CFAP20DC: variants seen among roughly 807,000 people sequenced by gnomAD.
CFAP20DC encodes protein CFAP20DC.
In CFAP20DC, 84 loss-of-function variants were observed where a neutral mutation model predicts 101.7. The observed-to-expected ratio is 0.83, with a 90% confidence interval of 0.69 to 0.99. CFAP20DC has a LOEUF of 0.99. Ranked by LOEUF, CFAP20DC falls within the 50% of genes least tolerant of loss-of-function variation. CFAP20DC has a pLI of 0.00. For synonymous variants in CFAP20DC, 359 were observed against 351.2 expected, an observed-to-expected ratio of 1.02 and a Z score of -0.25; for missense variants, 1,007 against 970.3, an observed-to-expected ratio of 1.04 and a Z score of -0.50.
intron 14 of CFAP20DC, among the ~76,000 whole-genome samples, chr3:58,822,438 G>T (rs996573563): frequency 2.7e-5 from 4 of 150,826 alleles, no homozygotes; most frequent in Admixed American, 2.0e-4. Flanking sequence ...GGACTGTTGT[G>T]GGGTGGTGGG....
At chr3:58,853,565 C>T (rs957195283) in intron 12 of CFAP20DC, among the ~76,000 whole-genome samples, 4 of 152,088 alleles carry the variant, frequency 2.6e-5, no homozygotes, top group Middle Eastern at 3.4e-3. Flanking sequence ...CCTTGATGAA[C>T]ATTGATGCAA....
chr3:59,017,468 A>G (rs1194407892), intron 4 of CFAP20DC: 1 of 152,164 alleles, frequency 6.6e-6, no homozygotes, highest in East Asian at 1.9e-4. Flanking sequence ...TTACTGCTAA[A>G]AATTAACTCA....
At chr3:58,996,054 T>A (rs1022397449) in intron 4 of CFAP20DC, among the ~76,000 whole-genome samples, 3 of 151,880 alleles carry the variant, frequency 2.0e-5, no homozygotes, top group African/African-American at 7.3e-5. Flanking sequence ...GAGCCCAGAT[T>A]AATATAATTA....
intron 4 of CFAP20DC, chr3:59,017,425 TGAC>T (rs2093711629): frequency 1.3e-5 from 2 of 152,130 alleles, no homozygotes. Context: ...TGAGTCCAAA[TGAC>T]ACTAGTCCCA....
At chr3:58,924,283 G>A (rs1018911483) in intron 5 of CFAP20DC, among the ~76,000 whole-genome samples, 4 of 152,028 alleles carry the variant, frequency 2.6e-5, no homozygotes, top group African/African-American at 9.7e-5. Flanking sequence ...CTCTCCATAT[G>A]TACATGTGTA....
At chr3:59,003,803 T>C (rs548127923) in intron 4 of CFAP20DC, among the ~76,000 whole-genome samples, 4 of 152,278 alleles carry the variant, frequency 2.6e-5, no homozygotes, top group African/African-American at 7.2e-5. Context: ...GAGGAACCTA[T>C]AATGAAAACA....
intron 6 of CFAP20DC, among the ~76,000 whole-genome samples, chr3:58,904,682 T>C (rs2083439487): frequency 6.6e-6 from 1 of 152,218 alleles, no homozygotes; most frequent in South Asian, 2.1e-4. Context: ...TTGTGCACTG[T>C]TGAGGTCTTG....
chr3:58,950,791 C>A (rs2090013228), intron 4 of CFAP20DC, among the ~76,000 whole-genome samples: 1 of 152,102 alleles, frequency 6.6e-6, no homozygotes, highest in Non-Finnish European at 1.5e-5. Context: ...AATGTTAGAC[C>A]TAAAACCATA....
intron 15 of CFAP20DC, among the ~76,000 whole-genome samples, chr3:58,779,313 A>G (rs983216734): frequency 6.6e-6 from 1 of 152,226 alleles, no homozygotes; most frequent in African/African-American, 2.4e-5. Flanking sequence ...AAATAAAGGG[A>G]TGGAAAAGAA....
chr3:58,996,223 T>A lies in CFAP20DC; in HGVS notation c.278+43334A>T, dbSNP rs186358551. ...TTATACAAATAAATCTCACCTGTAA[T>A]AACTGTGCTTATTTTTATATATTTG... On this transcript the variant is annotated intron_variant, in intron 4 of 16. Transcript: ENST00000482387. Among the ~76,000 whole-genome samples the A allele has an allele frequency of 3.4e-4, 51 of 152,238 alleles. 1 individual carries two copies. The East Asian group carries it at 7.7e-3, about 23-fold the overall frequency.
intron 16 of CFAP20DC, among the ~76,000 whole-genome samples, chr3:58,749,588 T>C (rs2068431469): frequency 6.6e-6 from 1 of 152,186 alleles, no homozygotes; most frequent in Non-Finnish European, 1.5e-5. Flanking sequence ...GGCTTTGCCA[T>C]AAAAAAGGTA....
At chr3:58,977,715 T>A (rs1275079403) in intron 4 of CFAP20DC, among the ~76,000 whole-genome samples, 1 of 150,084 alleles carries the variant, frequency 6.7e-6, no homozygotes, top group Non-Finnish European at 1.5e-5. Flanking sequence ...GTCAGATATT[T>A]AGAGTGGCGA....
intron 4 of CFAP20DC, among the ~76,000 whole-genome samples, chr3:58,982,584 T>C (rs2092600314): frequency 6.6e-6 from 1 of 151,678 alleles, no homozygotes; most frequent in African/African-American, 2.4e-5. Flanking sequence ...GAAACCATTA[T>C]TCTAAGCAAA....
chr3:58,894,240 A>C lies in CFAP20DC; in HGVS notation c.551-9531T>G, dbSNP rs903764713. On this transcript the variant is annotated intron_variant, in intron 6 of 16. Coordinates refer to ENST00000482387, the MANE Select transcript of CFAP20DC (RefSeq NM_001394063.1). This position sits in a 1 kb window ranked among gnomAD's most constrained non-coding sequence, Gnocchi z 4.1. ...CTTCCCAACAGTCCCCCGAAGTCTT[A>C]ACTCATTTCAGCATTAACTCAAAAA... is the stretch of plus-strand genomic sequence containing the variant. Among the ~76,000 whole-genome samples, 2 of 152,186 alleles carry C rather than the reference A, an allele frequency of 1.3e-5. No homozygotes were observed. The highest frequency in any genetic ancestry group is 4.8e-5 in the African/African-American group (2 of 41,454).
rs1186923023 is a variant in CFAP20DC at position 58,788,629 on chromosome 3, A to G, written c.2237+17766T>C. On this transcript the variant is annotated intron_variant, in intron 15 of 16. Coordinates refer to ENST00000482387, the MANE Select transcript of CFAP20DC (RefSeq NM_001394063.1). This position sits in a 1 kb window ranked among gnomAD's most constrained non-coding sequence, Gnocchi z 4.2. The stretch of plus-strand genomic sequence containing the variant: ...AATGACTACCACCACCACAGTGGAA[A>G]ACACTTTGACAATCCAATGTGGAAC... 6.6e-6 allele frequency among the ~76,000 whole-genome samples: 1 copy of G among 152,066 alleles called. No individual in the cohort carries two copies. Among genetic ancestry groups the G allele is most frequent in the Non-Finnish European group, 1.5e-5 (1 of 67,992 alleles).
intron 4 of CFAP20DC, among the ~76,000 whole-genome samples, chr3:59,024,129 C>T (rs944136114): frequency 6.6e-6 from 1 of 151,608 alleles, no homozygotes; most frequent in African/African-American, 2.4e-5. Flanking sequence ...TTTAGGCCAC[C>T]CATATCTTCA....
chr3:59,047,789 A>G (rs1386375043), intron 1 of CFAP20DC, among the ~76,000 whole-genome samples: 1 of 152,178 alleles, frequency 6.6e-6, no homozygotes, highest in Non-Finnish European at 1.5e-5. Flanking sequence ...ATAAGATACT[A>G]AACATTAAAC....
chr3:59,044,035 T>C (rs893984703), intron 3 of CFAP20DC, among the ~76,000 whole-genome samples: 10 of 152,158 alleles, frequency 6.6e-5, no homozygotes, highest in Non-Finnish European at 1.3e-4. Context: ...TTTTATGTGT[T>C]TGAGATCCTC....
chr3:58,806,718 AG>A (rs1286721652), intron 14 of CFAP20DC, among the ~76,000 whole-genome samples: 1 of 152,164 alleles, frequency 6.6e-6, no homozygotes, highest in Non-Finnish European at 1.5e-5. Context: ...TAGTGGGTGC[AG>A]GACAGTGGGT....
Sources: allele counts gnomAD v4.1 joint callset (sites outside exome capture counted in the v4.1 genomes callset), GRCh38; gene constraint gnomAD v4.1.1; non-coding constraint Gnocchi (gnomAD v3.1); transcripts MANE v1.5; gene names NCBI Gene and HGNC (gene_info 2026-07-23, HGNC 2026-07-21).